The following TRPM6 variants were observed in gnomAD, a reference collection of about 807,000 sequenced individuals.
TRPM6 encodes transient receptor potential cation channel subfamily M member 6.
Under a neutral mutation model 247.6 loss-of-function variants are expected in TRPM6, and 111 were observed. That is an observed-to-expected ratio of 0.45 (90% CI 0.38 to 0.52). The LOEUF (loss-of-function observed/expected upper bound fraction) is 0.52, where lower values mean the gene tolerates loss of function less well. Ranked by LOEUF, TRPM6 falls within the 20% of genes least tolerant of loss-of-function variation. TRPM6 has a pLI of 0.00. For synonymous variants in TRPM6, 892 were observed against 853.8 expected (o/e 1.04, Z -0.78); for missense variants, 2,126 against 2,421.5 (o/e 0.88, Z 2.56).
intron 1 of TRPM6, among the ~76,000 whole-genome samples, chr9:74,871,423 T>C (rs190243567): frequency 6.6e-6 from 1 of 152,284 alleles, no homozygotes; most frequent in East Asian, 1.9e-4. Flanking sequence ...TGCACCTTGT[T>C]TTTTTTCTGA....
At chr9:74,742,424 A>G in intron 33 of TRPM6, 137 bp downstream of exon 33, 1 of 806,708 alleles carries the variant, frequency 1.2e-6, no homozygotes, top group Non-Finnish European at 2.1e-6. Context: ...CCATTTTAGG[A>G]AATGAATCTC....
chr9:74,832,267 A>G (rs1482412546), intron 6 of TRPM6, among the ~76,000 whole-genome samples: 2 of 152,210 alleles, frequency 1.3e-5, no homozygotes, highest in Non-Finnish European at 2.9e-5. Flanking sequence ...ACACACATAA[A>G]AAAATGAGAT....
In TRPM6 at chr9:74,812,467, A is replaced by G. The variant is rs545506509; in HGVS notation, c.1309-34T>C. ...AGCACAAATAAGAAATATAAAGACA[A>G]TTAAGAAAGTAGAAATAACTAAAGA... On this transcript the variant is annotated intron_variant, in intron 11 of 38. Coordinates refer to ENST00000360774, the MANE Select transcript of TRPM6 (RefSeq NM_017662.5). The G allele has an allele frequency of 6.9e-6, 11 of 1,592,092 alleles. No homozygotes were observed. In the East Asian group the frequency reaches 2.0e-4, roughly 29 times the overall value.
intron 20 of TRPM6, among the ~76,000 whole-genome samples, chr9:74,788,291 A>G (rs1462796990): frequency 6.6e-6 from 1 of 152,194 alleles, no homozygotes; most frequent in Non-Finnish European, 1.5e-5. Flanking sequence ...AACTTGGGGA[A>G]ATCAAATAGT....
chr9:74,737,432 G>C, intron 36 of TRPM6: 3 of 1,289,732 alleles, frequency 2.3e-6, no homozygotes, highest in Non-Finnish European at 3.0e-6. Context: ...TTTCAGCATA[G>C]AATCCCAGAA....
intron 1 of TRPM6, among the ~76,000 whole-genome samples, chr9:74,879,762 A>T (rs919773742): frequency 1.3e-5 from 2 of 152,064 alleles, no homozygotes; most frequent in African/African-American, 2.4e-5. Context: ...CTTCCCCCAT[A>T]CCTAGCCCTG....
chr9:74,782,509 T>C, intron 22 of TRPM6, 33 bp from the exon 23 acceptor site: 1 of 1,420,386 alleles, frequency 7.0e-7, no homozygotes. Context: ...GAATGAAAGA[T>C]AAGATGAATC....
At position 74,761,701 on chromosome 9, in the gene TRPM6, C is replaced by T. The variant is rs1050178608; in HGVS notation, c.4780G>A (p.Val1594Met). 2 of 1,600,152 alleles carry T rather than the reference C, an allele frequency of 1.2e-6. No homozygotes were observed. The highest frequency in any genetic ancestry group is 3.3e-5 in the Admixed American group (2 of 59,974). Residue 1594 changes from valine (V) to methionine (M), a missense_variant, in exon 27 of 39, where the codon GTG becomes ATG. By Grantham distance (21) the Val-to-Met change is conservative. This residue lies in a region of TRPM6 where 717 missense variants were observed against 715.9 expected (regional missense o/e 1.00). Transcript: ENST00000360774. ...CAGAATAACAGTACACTTACTGGCA[C>T]CTGGAGTCCTTGAGTATTCTTCTTT... is the stretch of plus-strand genomic sequence containing the variant. ...KKKKNTQGLQ[V>M]PIITVNACSQ...
At chr9:74,759,061 T>C (rs1031727693) in intron 27 of TRPM6, among the ~76,000 whole-genome samples, 3 of 152,122 alleles carry the variant, frequency 2.0e-5, no homozygotes, top group Non-Finnish European at 4.4e-5. Context: ...TAACAAAATA[T>C]GTGCAAGATC....
intron 1 of TRPM6, among the ~76,000 whole-genome samples, chr9:74,862,096 G>GAAAAAAAA (rs577562437): frequency 3.0e-5 from 3 of 100,530 alleles, no homozygotes; most frequent in East Asian, 3.1e-4. Flanking sequence ...AAAACTACCA[G>GAAAAAAAA]AAAAAAAAAA....
chr9:74,828,311 G>A (rs7872880), intron 6 of TRPM6, among the ~76,000 whole-genome samples: 13 of 152,020 alleles, frequency 8.6e-5, no homozygotes, highest in Non-Finnish European at 1.3e-4. Flanking sequence ...AGGTGAGATC[G>A]CGCCACTGCA....
chr9:74,802,139 A>C lies in TRPM6; in HGVS notation c.1768T>G (p.Ser590Ala). 1.2e-6 allele frequency: 2 copies of C among 1,614,060 alleles called. No homozygotes were observed. Among genetic ancestry groups the C allele is most frequent in the Non-Finnish European group, 1.7e-6 (2 of 1,179,976 alleles). The stretch of plus-strand genomic sequence containing the variant: ...TCATCTGATACATTTTGTTCTTTTG[A>C]CTTCTTCCTTGATTTATGAAGGACT... ...SIVLHKSRKK[S>A]KEQNVSDDPE... is the part of the protein sequence containing the mutation. Residue 590 changes from serine to alanine, a missense_variant, in exon 16 of 39, where the codon TCA (serine) becomes GCA (alanine). Ser to Ala is a moderately conservative substitution (Grantham distance 99). This residue lies in a region of TRPM6 where 1,082 missense variants were observed against 1,307.9 expected (regional missense o/e 0.83). Transcript: ENST00000360774.
chr9:74,812,719 G>A (rs1367243276), intron 11 of TRPM6, among the ~76,000 whole-genome samples: 1 of 152,008 alleles, frequency 6.6e-6, no homozygotes, highest in East Asian at 1.9e-4. Flanking sequence ...GCAAAACCCT[G>A]TCTCTACGAA....
At chr9:74,798,278 T>TC (rs1177766951) in intron 17 of TRPM6, among the ~76,000 whole-genome samples, 1 of 149,908 alleles carries the variant, frequency 6.7e-6, no homozygotes, top group Non-Finnish European at 1.5e-5. Flanking sequence ...TTTTTTTTTT[T>TC]CATGATGAAA....
At chr9:74,726,033 G>A (rs1185114722) in intron 38 of TRPM6, among the ~76,000 whole-genome samples, 1 of 152,072 alleles carries the variant, frequency 6.6e-6, no homozygotes. Context: ...AAAATATGAA[G>A]GGAAACGTAG....
Position 74,800,402 on chromosome 9 carries a change from T to TA in TRPM6, c.2089dup (p.Tyr697LeufsTer2). On this transcript the variant is annotated frameshift_variant, in exon 17 of 39. Coordinates refer to ENST00000360774, the MANE Select transcript of TRPM6 (RefSeq NM_017662.5). LOFTEE classifies it high-confidence loss of function. ...CGAATTGCTCCAGTTCCTGAGTTCA[T>TA]ACGTCAACAGCGTCATGGCCATGCG... is the stretch of plus-strand genomic sequence containing the variant. 1 of 1,614,094 alleles carries TA rather than the reference T, an allele frequency of 6.2e-7. No homozygotes were observed. The highest frequency in any genetic ancestry group is 8.5e-7 in the Non-Finnish European group (1 of 1,180,030).
chr9:74,728,326 C>T lies in TRPM6; in HGVS notation c.5848G>A (p.Gly1950Arg). The change falls in exon 38 of 39, where the codon GGA (glycine) becomes AGA (arginine). Residue 1950 changes from glycine to arginine, a missense_variant. Physicochemically the swap from Gly to Arg is moderately radical, Grantham distance 125. Transcript: ENST00000360774. ...GCATCTTCCCCCAAATTGGCCGGTC[C>T]AAACACCATTCCTCTTGATCTAGAG... ...EVKQSRGMVF[G>R]PANLGEDAIR... 6.2e-7 allele frequency: 1 copy of T among 1,612,916 alleles called. No individual in the cohort carries two copies. Among genetic ancestry groups the T allele is most frequent in the Non-Finnish European group, 8.5e-7 (1 of 1,178,966 alleles).
chr9:74,796,165 T>G (rs919788897), intron 18 of TRPM6, among the ~76,000 whole-genome samples: 13 of 152,220 alleles, frequency 8.5e-5, no homozygotes, highest in African/African-American at 3.1e-4. Context: ...TATTAATAAT[T>G]ACTGCTTAAG....
chr9:74,744,239 G>T lies in TRPM6; in HGVS notation c.5084-94C>A, dbSNP rs1056282034. 1.0e-5 allele frequency: 14 copies of T among 1,361,166 alleles called. No homozygotes were observed. In the African/African-American group the frequency reaches 1.1e-4, roughly 11 times the overall value. The allele number at this position is 1,361,166 out of a possible 1,614,324, so 84.3% of individuals were successfully genotyped here. A position where few individuals can be genotyped will look rare whatever the true frequency, so the allele number is the denominator to read the frequency against. ...TGCCTTCAAAGTTATTATTGAACAG[G>T]TTAATCAGAATGGCTTCTCAGTATT... On this transcript the variant is annotated intron_variant, in intron 31 of 38. Transcript: ENST00000360774.
Sources: allele counts gnomAD v4.1 joint callset (sites outside exome capture counted in the v4.1 genomes callset), GRCh38; gene constraint gnomAD v4.1.1; regional missense constraint gnomAD v4.1.1; transcripts MANE v1.5; gene names NCBI Gene and HGNC (gene_info 2026-07-23, HGNC 2026-07-21).